CHLSN: variants seen among roughly 807,000 people sequenced by gnomAD.
CHLSN encodes cholesin, also known as protein cholesin.
chr7:1,092,226 C>T, the CHLSN span: 3 of 1,612,708 alleles, frequency 1.9e-6, no homozygotes, highest in Admixed American at 5.0e-5. Flanking sequence ...TGCGCTGCAG[C>T]CTGTTCCGCA....
the CHLSN span, chr7:989,159 G>A: frequency 1.0e-4 from 34 of 338,026 alleles, no homozygotes; most frequent in East Asian, 1.6e-3. Flanking sequence ...TACAGCTGGG[G>A]CTGCAGGGAG....
chr7:1,012,724 C>T, the CHLSN span, among the ~76,000 whole-genome samples: 139 of 152,352 alleles, frequency 9.1e-4, no homozygotes, highest in South Asian at 3.9e-3. Flanking sequence ...CAACAGAAGA[C>T]GCAGGGGCAG....
the CHLSN span, among the ~76,000 whole-genome samples, chr7:987,964 CCT>C: frequency 7.8e-3 from 1,060 of 136,294 alleles, 16 homozygotes; most frequent in African/African-American, 0.03. Flanking sequence ...CTGGGGGTCC[CCT>C]CTGTGTGTCC....
the CHLSN span, among the ~76,000 whole-genome samples, chr7:1,000,061 C>T: frequency 1.9e-4 from 29 of 152,346 alleles, 1 homozygote; most frequent in South Asian, 6.0e-3. Flanking sequence ...AGGTGGCCTC[C>T]CTAAGGTTAC....
At chr7:1,092,792 C>T in the CHLSN span, 10 of 1,613,440 alleles carry the variant, frequency 6.2e-6, no homozygotes, top group Admixed American at 5.0e-5. Flanking sequence ...TGTCACGCTG[C>T]CCTGAAGGCC....
At chr7:1,099,367 G>A in the CHLSN span, among the ~76,000 whole-genome samples, 1 of 152,252 alleles carries the variant, frequency 6.6e-6, no homozygotes, top group South Asian at 2.1e-4. Flanking sequence ...GTGGGCCACG[G>A]GGACGCCAGC....
At chr7:1,109,929 C>T in the CHLSN span, among the ~76,000 whole-genome samples, 28 of 152,198 alleles carry the variant, frequency 1.8e-4, no homozygotes, top group Non-Finnish European at 3.5e-4. Flanking sequence ...TCCGCTCTCT[C>T]CACAAATGCC....
chr7:1,133,403 A>AAAAAAAAC, the CHLSN span, among the ~76,000 whole-genome samples: 1 of 151,668 alleles, frequency 6.6e-6, no homozygotes, highest in African/African-American at 2.4e-5. Flanking sequence ...AAAAAAAAAA[A>AAAAAAAAC]AAAAAAAAAA....
the CHLSN span, chr7:1,127,119 C>T: frequency 2.0e-6 from 2 of 976,906 alleles, no homozygotes; most frequent in Non-Finnish European, 2.9e-6. Flanking sequence ...CTGGAAGGCA[C>T]CAAGCCCCAC....
the CHLSN span, among the ~76,000 whole-genome samples, chr7:1,047,740 C>G: frequency 6.6e-6 from 1 of 152,230 alleles, no homozygotes; most frequent in African/African-American, 2.4e-5. Context: ...TGGGGCCTCG[C>G]AGTTCTCTTT....
chr7:1,068,245 T>G, the CHLSN span, among the ~76,000 whole-genome samples: 1 of 152,112 alleles, frequency 6.6e-6, no homozygotes, highest in Non-Finnish European at 1.5e-5. Context: ...CCCCTCGTGG[T>G]GCTCACGCCA....
the CHLSN span, among the ~76,000 whole-genome samples, chr7:1,081,523 A>G: frequency 6.6e-6 from 1 of 152,214 alleles, no homozygotes; most frequent in Admixed American, 6.5e-5. Context: ...CCTGGACTGG[A>G]GCCAGAAAGC....
At chr7:1,073,622 G>A in the CHLSN span, among the ~76,000 whole-genome samples, 4 of 152,096 alleles carry the variant, frequency 2.6e-5, no homozygotes, top group Middle Eastern at 3.4e-3. Context: ...CTTGAAAGTC[G>A]CCTGTTCAAA....
the CHLSN span, among the ~76,000 whole-genome samples, chr7:1,067,746 C>G: frequency 1.4e-5 from 2 of 139,822 alleles, no homozygotes; most frequent in Non-Finnish European, 3.1e-5. Flanking sequence ...TTCACACAGG[C>G]TGGAGTGCAT....
At chr7:995,987 C>T in the CHLSN span, among the ~76,000 whole-genome samples, 17 of 152,206 alleles carry the variant, frequency 1.1e-4, no homozygotes, top group Admixed American at 4.6e-4. Context: ...CCTCCGGCCC[C>T]GAGTCTCGAT....
the CHLSN span, among the ~76,000 whole-genome samples, chr7:1,079,585 GC>G: frequency 6.6e-6 from 1 of 152,252 alleles, no homozygotes; most frequent in Non-Finnish European, 1.5e-5. Context: ...AAACCAGCGT[GC>G]TGAGGGAATC....
the CHLSN span, among the ~76,000 whole-genome samples, chr7:1,023,660 CA>C: frequency 0.011 from 1,277 of 117,904 alleles, 20 homozygotes; most frequent in African/African-American, 0.029. This position sits in a 1 kb window ranked among gnomAD's most constrained non-coding sequence, Gnocchi z 5.0. Flanking sequence ...CACACACACA[CA>C]CACACACACA....
chr7:1,105,243 T>C, the CHLSN span, among the ~76,000 whole-genome samples: 1 of 152,198 alleles, frequency 6.6e-6, no homozygotes, highest in South Asian at 2.1e-4. Context: ...GCAATTTCAA[T>C]ATGGTGACCA....
the CHLSN span, among the ~76,000 whole-genome samples, chr7:1,063,304 C>T: frequency 6.6e-5 from 10 of 152,212 alleles, no homozygotes; most frequent in East Asian, 1.9e-4. Flanking sequence ...GGCTGGCAGC[C>T]GGTCTGGCAA....
Sources: allele counts gnomAD v4.1 joint callset (sites outside exome capture counted in the v4.1 genomes callset), GRCh38; gene constraint gnomAD v4.1.1; non-coding constraint Gnocchi (gnomAD v3.1); transcripts MANE v1.5; gene names NCBI Gene and HGNC (gene_info 2026-07-23, HGNC 2026-07-21).